RIMBP2: variants seen among roughly 807,000 people sequenced by gnomAD.
RIMBP2 encodes RIMS binding protein 2.
Under a neutral mutation model 118.6 loss-of-function variants are expected in RIMBP2, and 48 were observed. That is an observed-to-expected ratio of 0.40 (90% confidence interval 0.32 to 0.51). The LOEUF is 0.51. Ranked by LOEUF, RIMBP2 falls within the 20% of genes least tolerant of loss-of-function variation. The pLI is 0.41. For synonymous variants in RIMBP2, 762 were observed against 742.9 expected (o/e 1.03, Z -0.42); for missense variants, 1,551 against 1,768.3 (o/e 0.88, Z 2.20).
In RIMBP2 at chr12:130,434,867, C is replaced by T. The variant is rs774795874; in HGVS notation, c.2120G>A (p.Ser707Asn). 8.7e-6 allele frequency: 14 copies of T among 1,605,562 alleles called. No homozygotes were observed. Among genetic ancestry groups the T allele is most frequent in the Admixed American group, 3.4e-5 (2 of 58,668 alleles). Residue 707 changes from serine to asparagine, a missense_variant, in exon 14 of 23, where the codon AGC becomes AAC. Ser to Asn is a conservative substitution (Grantham distance 46). Coordinates refer to ENST00000690449, the MANE Select transcript of RIMBP2 (RefSeq NM_001393629.1). This position sits in a 1 kb window ranked among gnomAD's most constrained non-coding sequence, Gnocchi z 5.7. The stretch of plus-strand genomic sequence containing the variant: ...CGCGCTGCTTCTCTCTAGGAAGACG[C>T]TCCTTTTCTCTAACTTGGAAAGAAA... The part of the protein sequence containing the change: ...VAESSRLEKR[S>N]VFLERSSAGQ...
intron 4 of RIMBP2, among the ~76,000 whole-genome samples, chr12:130,491,755 G>A (rs1438422046): frequency 1.3e-5 from 2 of 152,222 alleles, no homozygotes; most frequent in African/African-American, 4.8e-5. Flanking sequence ...CCCAGGGCAC[G>A]TGCTGTCATT....
chr12:130,466,116 C>G (rs11060906), intron 6 of RIMBP2: 40,097 of 152,166 alleles, frequency 0.26, 6,522 homozygotes, highest in Non-Finnish European at 0.35. Context: ...GTCTCGATGT[C>G]TCTCCTATGC....
At chr12:130,672,927 C>A (rs959635521) in intron 1 of RIMBP2, among the ~76,000 whole-genome samples, 1 of 152,232 alleles carries the variant, frequency 6.6e-6, no homozygotes, top group Non-Finnish European at 1.5e-5. Context: ...TCACACTTTC[C>A]TCTGCCCAAA....
chr12:130,547,959 T>C (rs1025618971), intron 2 of RIMBP2, among the ~76,000 whole-genome samples: 8 of 152,230 alleles, frequency 5.3e-5, no homozygotes, highest in African/African-American at 1.9e-4. Context: ...AATTCTGCTG[T>C]TGATGATGCA....
intron 2 of RIMBP2, among the ~76,000 whole-genome samples, chr12:130,553,239 A>G (rs1316478064): frequency 1.3e-5 from 2 of 152,050 alleles, no homozygotes; most frequent in Non-Finnish European, 2.9e-5. Context: ...ACAACATATG[A>G]CTGGCTAGCC....
chr12:130,668,227 G>C (rs557407498), intron 1 of RIMBP2: 1 of 152,326 alleles, frequency 6.6e-6, no homozygotes, highest in East Asian at 1.9e-4. Context: ...TCAAAGCGAA[G>C]GTGACGGTAA....
chr12:130,610,166 G>A (rs796287672), intron 2 of RIMBP2, among the ~76,000 whole-genome samples: 12 of 149,122 alleles, frequency 8.0e-5, no homozygotes, highest in African/African-American at 2.0e-4. Context: ...TGCTCCTCCC[G>A]GTCCCTCCCG....
chr12:130,524,515 G>A (rs1022925306), intron 2 of RIMBP2, among the ~76,000 whole-genome samples: 4 of 152,236 alleles, frequency 2.6e-5, no homozygotes, highest in Non-Finnish European at 5.9e-5. Context: ...ACAGGCACTG[G>A]GGGTAGCAGA....
At position 130,620,201 on chromosome 12, in the gene RIMBP2, G is replaced by A. The variant is rs11836751; in HGVS notation, c.-217+8121C>T. Among the ~76,000 whole-genome samples the A allele has an allele frequency of 0.023, 3,470 of 152,208 alleles. 134 individuals carry two copies. The highest frequency in any genetic ancestry group is 0.079 in the African/African-American group (3,296 of 41,502). ...CCAGCCAAGGGATGGGCACAAGACC[G>A]AAGTGGTGGCAGTTAAACAATCAGT... is the stretch of plus-strand genomic sequence containing the variant. On this transcript the variant is annotated intron_variant, in intron 2 of 22. Coordinates refer to ENST00000690449, the MANE Select transcript of RIMBP2 (RefSeq NM_001393629.1). This position sits in a 1 kb window ranked among gnomAD's most constrained non-coding sequence, Gnocchi z 5.3.
At chr12:130,542,264 G>T (rs1438183270) in intron 2 of RIMBP2, among the ~76,000 whole-genome samples, 1 of 148,800 alleles carries the variant, frequency 6.7e-6, no homozygotes, top group African/African-American at 2.4e-5. Context: ...GCAAGTGCTT[G>T]GGGTTTTGGA....
chr12:130,641,114 A>G (rs1199920327), intron 1 of RIMBP2, among the ~76,000 whole-genome samples: 1 of 152,192 alleles, frequency 6.6e-6, no homozygotes, highest in African/African-American at 2.4e-5. Flanking sequence ...TTGGAATGCC[A>G]GCACAGTGCT....
intron 1 of RIMBP2, among the ~76,000 whole-genome samples, chr12:130,693,725 A>G (rs11061087): frequency 0.067 from 10,211 of 152,292 alleles, 1,143 homozygotes; most frequent in African/African-American, 0.23. Flanking sequence ...AGGGTGGCAC[A>G]TGACAGCTCC....
chr12:130,414,463 C>T, intron 17 of RIMBP2, 157 bp from the exon 18 acceptor site: 1 of 657,272 alleles, frequency 1.5e-6, no homozygotes, highest in South Asian at 2.1e-5. Flanking sequence ...ATCGGGAGGT[C>T]TAGGTCAGAT....
At position 130,710,646 on chromosome 12, in the gene RIMBP2, C is replaced by T. The variant is rs1056785072; in HGVS notation, c.-352+5576G>A. Among the ~76,000 whole-genome samples, 1 of 152,160 alleles carries T rather than the reference C, an allele frequency of 6.6e-6. No homozygotes were observed. Among genetic ancestry groups the T allele is most frequent in the Non-Finnish European group, 1.5e-5 (1 of 68,026 alleles). On this transcript the variant is annotated intron_variant, in intron 1 of 22. Transcript: ENST00000690449. The surrounding 1 kb of genome is among the most constrained non-coding windows in gnomAD (Gnocchi z 4.3). ...TAGAGAAGTGGCAGGTGCTGCACCT[C>T]CCCCGCCCCAGGCTCAGCACCAACA... is the stretch of plus-strand genomic sequence containing the variant.
chr12:130,694,986 C>A (rs750490851), intron 1 of RIMBP2, among the ~76,000 whole-genome samples: 6 of 152,214 alleles, frequency 3.9e-5, no homozygotes, highest in Non-Finnish European at 7.3e-5. Context: ...CGAGATCCCA[C>A]AACAGATCAG....
At position 130,620,560 on chromosome 12, in the gene RIMBP2, C is replaced by T. The variant is rs914656781; in HGVS notation, c.-217+7762G>A. Among the ~76,000 whole-genome samples the T allele has an allele frequency of 8.5e-5, 13 of 152,268 alleles. No individual in the cohort carries two copies. Among genetic ancestry groups the T allele is most frequent in the African/African-American group, 2.9e-4 (12 of 41,568 alleles). On this transcript the variant is annotated intron_variant, in intron 2 of 22. Coordinates refer to ENST00000690449, the MANE Select transcript of RIMBP2 (RefSeq NM_001393629.1). The surrounding 1 kb of genome is among the most constrained non-coding windows in gnomAD (Gnocchi z 5.3). ...GTCCCAGGGGCCAGATGCCCAAGCTCGGGGTGTCGGCAGGGCTGCTCCTCA... is the reference window on the plus strand; with the variant it reads ...GTCCCAGGGGCCAGATGCCCAAGCTTGGGGTGTCGGCAGGGCTGCTCCTCA...
intron 4 of RIMBP2, among the ~76,000 whole-genome samples, chr12:130,500,845 G>A (rs1380039877): frequency 1.3e-5 from 2 of 151,790 alleles, no homozygotes; most frequent in Non-Finnish European, 2.9e-5. Context: ...CAAAGGCCGT[G>A]GTGATGGCTG....
chr12:130,680,434 AG>A (rs1394246559), intron 1 of RIMBP2, among the ~76,000 whole-genome samples: 1 of 152,186 alleles, frequency 6.6e-6, no homozygotes, highest in African/African-American at 2.4e-5. Context: ...CAGTGAGAAA[AG>A]CAGGGCAGTG....
chr12:130,402,291 G>A (rs1253089783), intron 21 of RIMBP2, among the ~76,000 whole-genome samples: 1 of 152,090 alleles, frequency 6.6e-6, no homozygotes, highest in Non-Finnish European at 1.5e-5. Flanking sequence ...TCCATTCAAC[G>A]TTGTTCTTAT....
Sources: allele counts gnomAD v4.1 joint callset (sites outside exome capture counted in the v4.1 genomes callset), GRCh38; gene constraint gnomAD v4.1.1; non-coding constraint Gnocchi (gnomAD v3.1); transcripts MANE v1.5; gene names NCBI Gene and HGNC (gene_info 2026-07-23, HGNC 2026-07-21).